SLC16A14: variants seen among roughly 807,000 people sequenced by gnomAD.
SLC16A14 encodes the protein monocarboxylate transporter 14.
SLC16A14 carries 14 observed loss-of-function variants against 35.8 expected under a neutral mutation model. The observed-to-expected ratio is 0.39, with a 90% confidence interval of 0.26 to 0.61. SLC16A14 has a LOEUF of 0.61. Ranked by LOEUF, SLC16A14 falls within the 20% of genes least tolerant of loss-of-function variation. The pLI is 0.51. For missense variants in SLC16A14, 533 were observed against 655.0 expected (o/e 0.81, Z 2.03); for synonymous variants, 248 against 258.9 (o/e 0.96, Z 0.40).
In SLC16A14 at chr2:230,046,548, A is replaced by G; in HGVS notation, c.578T>C (p.Leu193Ser). The G allele has an allele frequency of 1.2e-6, 2 of 1,614,244 alleles. No individual in the cohort carries two copies. Among genetic ancestry groups the G allele is most frequent in the Non-Finnish European group, 1.7e-6 (2 of 1,180,044 alleles). ...GTTTAGGGAAACGGCACCTTGGATC[A>G]ACATGGCATTCCTCCAGCCGTACTC... is the stretch of plus-strand genomic sequence containing the variant. ...CAEYGWRNAM[L>S]IQGAVSLNLC... The change falls in exon 4 of 5, where the codon TTG (leucine) becomes TCG (serine). Residue 193 changes from leucine to serine, a missense_variant. Leu to Ser is a moderately radical substitution (Grantham distance 145, BLOSUM62 -2). Transcript: ENST00000295190. The surrounding 1 kb of genome is among the most constrained non-coding windows in gnomAD (Gnocchi z 5.0).
In SLC16A14 at chr2:230,046,953, G is replaced by C. The variant is rs971766302; in HGVS notation, c.404-231C>G. Among the ~76,000 whole-genome samples the C allele has an allele frequency of 6.6e-6, 1 of 152,198 alleles. No individual in the cohort carries two copies. Among genetic ancestry groups the C allele is most frequent in the Non-Finnish European group, 1.5e-5 (1 of 68,034 alleles). On this transcript the variant is annotated intron_variant, in intron 3 of 4. Transcript: ENST00000295190. The surrounding 1 kb of genome is among the most constrained non-coding windows in gnomAD (Gnocchi z 5.0). ...GCCATTTTCCCCAACAGGCTTTGCTGCACAAGTTCCTCCAATAACAAAATG... is the reference window on the plus strand; with the variant it reads ...GCCATTTTCCCCAACAGGCTTTGCTCCACAAGTTCCTCCAATAACAAAATG...
In SLC16A14 at chr2:230,035,111, A is replaced by G. The variant is rs2077510931; in HGVS notation, c.*2269T>C. The G allele has an allele frequency of 6.6e-6, 1 of 152,260 alleles. No individual in the cohort carries two copies. Among genetic ancestry groups the G allele is most frequent in the Non-Finnish European group, 1.5e-5 (1 of 68,042 alleles). 9.4% of individuals were successfully genotyped at this position (152,260 alleles called of 1,614,324 possible). A position where few individuals can be genotyped will look rare whatever the true frequency, so the allele number is the denominator to read the frequency against. The stretch of plus-strand genomic sequence containing the variant: ...ATAATATCTTCAAACAACGGCAAAT[A>G]ACATAAACAGGAAATATTTGCAGTA... On this transcript the variant is annotated 3_prime_UTR_variant, in exon 5 of 5. Coordinates refer to ENST00000295190, the MANE Select transcript of SLC16A14 (RefSeq NM_152527.5).
intron 1 of SLC16A14, among the ~76,000 whole-genome samples, chr2:230,067,859 C>T (rs974498699): frequency 6.6e-6 from 1 of 152,216 alleles, no homozygotes; most frequent in African/African-American, 2.4e-5. Flanking sequence ...GGGGGCCCAG[C>T]CTCTGCGCGC....
rs923225139 is a variant in SLC16A14 at position 230,068,296 on chromosome 2, T to G, written c.-15+259A>C. 1 of 152,276 alleles carries G rather than the reference T, an allele frequency of 6.6e-6. No homozygotes were observed. The highest frequency in any genetic ancestry group is 2.4e-5 in the African/African-American group (1 of 41,442). 9.4% of individuals were successfully genotyped at this position (152,276 alleles called of 1,614,324 possible). ...AAGGCGCGCGTCCCCAAGCTCCGCC[T>G]GGCGGTCTGCCCTGAACCGCCGGTT... On this transcript the variant is annotated intron_variant, in intron 1 of 4. Transcript: ENST00000295190. The surrounding 1 kb of genome is among the most constrained non-coding windows in gnomAD (Gnocchi z 5.1).
intron 1 of SLC16A14, among the ~76,000 whole-genome samples, chr2:230,060,678 G>GTT (rs201226161): frequency 1.0e-4 from 15 of 150,394 alleles, no homozygotes; most frequent in African/African-American, 3.4e-4. Flanking sequence ...ATTTTTCATG[G>GTT]TTTTTTTTGG....
chr2:230,051,001 T>A (rs181503422), intron 2 of SLC16A14, among the ~76,000 whole-genome samples: 5 of 152,256 alleles, frequency 3.3e-5, no homozygotes, highest in Admixed American at 2.0e-4. Context: ...CAGACTCCCA[T>A]CCCGGCTGGT....
At chr2:230,049,944 T>C (rs2077645547) in intron 2 of SLC16A14, 40 bp from the exon 3 acceptor site, 1 of 1,590,860 alleles carries the variant, frequency 6.3e-7, no homozygotes, top group Non-Finnish European at 8.6e-7. Context: ...CTAAAGGTGC[T>C]TCCGTTTTAT....
intron 2 of SLC16A14, among the ~76,000 whole-genome samples, chr2:230,051,137 C>T (rs996180502): frequency 2.6e-5 from 4 of 152,114 alleles, no homozygotes; most frequent in Admixed American, 6.6e-5. Context: ...GTTTCCTTTA[C>T]GCTGACTTTC....
chr2:230,050,394 C>T (rs2106260962), intron 2 of SLC16A14, among the ~76,000 whole-genome samples: 2 of 152,342 alleles, frequency 1.3e-5, no homozygotes, highest in South Asian at 4.1e-4. Context: ...AGTCTCTATC[C>T]TTCCCTCTGG....
At chr2:230,037,638 A>G (rs1444938030) in intron 4 of SLC16A14, 107 bp from the exon 5 acceptor site, 2 of 855,568 alleles carry the variant, frequency 2.3e-6, no homozygotes, top group East Asian at 2.7e-5. Context: ...ACAAGAATTT[A>G]TATGTCATTT....
intron 1 of SLC16A14, 129 bp from the exon 2 acceptor site, chr2:230,059,495 C>G (rs2077734353): frequency 1.5e-6 from 1 of 658,284 alleles, no homozygotes; most frequent in Admixed American, 3.3e-5. Context: ...TCAGGTTAAT[C>G]TTTGTCACCA....
At chr2:230,059,813 G>T (rs762636845) in intron 1 of SLC16A14, among the ~76,000 whole-genome samples, 13 of 152,208 alleles carry the variant, frequency 8.5e-5, no homozygotes, top group Non-Finnish European at 1.9e-4. Context: ...TCACCTTGGT[G>T]GGGTCCCTAG....
intron 4 of SLC16A14, among the ~76,000 whole-genome samples, chr2:230,041,504 G>A (rs1246724082): frequency 6.6e-6 from 1 of 151,932 alleles, no homozygotes; most frequent in Admixed American, 6.6e-5. Context: ...CCTAATTTTT[G>A]TATTTTTATA....
intron 1 of SLC16A14, among the ~76,000 whole-genome samples, chr2:230,065,264 T>TG (rs1208681343): frequency 6.9e-6 from 1 of 144,158 alleles, no homozygotes; most frequent in Non-Finnish European, 1.5e-5. Flanking sequence ...AAAAAAGTTC[T>TG]TTTTTTTTTT....
intron 2 of SLC16A14, among the ~76,000 whole-genome samples, chr2:230,054,284 G>T (rs1304523289): frequency 1.3e-5 from 2 of 152,092 alleles, no homozygotes; most frequent in Non-Finnish European, 2.9e-5. Context: ...TACAGACTTG[G>T]CACCCCAATT....
In SLC16A14 at chr2:230,045,746, T is replaced by C. The variant is rs1436838118; in HGVS notation, c.1380A>G (p.Ala460=). ...GISALLGPPF[A]GWIYDITQKY... ...CTCTTAAAACCTCAGAGAGTTTACCTGCAAAAGGTGGTCCCAGCAATGCAG... is the reference window on the plus strand; with the variant it reads ...CTCTTAAAACCTCAGAGAGTTTACCCGCAAAAGGTGGTCCCAGCAATGCAG... Residue 460 remains alanine, a splice_region_variant and synonymous_variant, in exon 4 of 5, where the codon GCA becomes GCG. Transcript: ENST00000295190. 1.9e-6 allele frequency: 3 copies of C among 1,614,094 alleles called. No homozygotes were observed. Among genetic ancestry groups the C allele is most frequent in the Non-Finnish European group, 2.5e-6 (3 of 1,180,058 alleles).
chr2:230,048,987 T>A (rs1429216407), intron 3 of SLC16A14, among the ~76,000 whole-genome samples: 2 of 149,906 alleles, frequency 1.3e-5, no homozygotes, highest in African/African-American at 4.9e-5. Context: ...TTGGTTTCCT[T>A]AATCTTTTTT....
chr2:230,052,225 G>A (rs146571630), intron 2 of SLC16A14, among the ~76,000 whole-genome samples: 234 of 152,144 alleles, frequency 1.5e-3, no homozygotes, highest in Middle Eastern at 6.8e-3. Flanking sequence ...GTGAGCCACC[G>A]CGCCCGGCCT....
At chr2:230,058,898 G>T in intron 2 of SLC16A14, 196 bp downstream of exon 2, 3 of 699,240 alleles carry the variant, frequency 4.3e-6, no homozygotes, top group Non-Finnish European at 5.3e-6. Flanking sequence ...CTCCCAAAGT[G>T]CTGGGATTAC....
Sources: gnomAD v4.1 joint callset for allele counts (sites outside exome capture counted in the v4.1 genomes callset) on GRCh38, gnomAD v4.1.1 for gene constraint, Gnocchi (gnomAD v3.1) non-coding constraint, MANE v1.5 for transcripts, NCBI Gene and HGNC (gene_info 2026-07-23, HGNC 2026-07-21) for gene names.